Variants in PDE3A observed in about 807,000 individuals in gnomAD.
PDE3A encodes the protein cGMP-inhibited 3',5'-cyclic phosphodiesterase 3A.
Under a neutral mutation model 98.3 loss-of-function variants are expected in PDE3A, and 43 were observed. That is an observed-to-expected ratio of 0.44 (90% CI 0.34 to 0.56). PDE3A has a LOEUF of 0.56. Ranked by LOEUF, PDE3A falls within the 20% of genes least tolerant of loss-of-function variation. PDE3A has a pLI of 0.01. For missense variants in PDE3A, 1,427 were observed against 1,440.7 expected (o/e 0.99, Z 0.15); for synonymous variants, 663 against 567.9 (o/e 1.17, Z -2.38).
rs185250740 is a variant in PDE3A, at chr12:20,474,319, G to T, written c.961-82341G>T. On this transcript the variant is annotated intron_variant, in intron 1 of 15. Coordinates refer to ENST00000359062, the MANE Select transcript of PDE3A (RefSeq NM_000921.5). ...TCATAAGATTCCTTTACATATTTTCGATATGTGTCTTTTGTCGTCTAGATA... is the reference window on the plus strand; with the variant it reads ...TCATAAGATTCCTTTACATATTTTCTATATGTGTCTTTTGTCGTCTAGATA... Among the ~76,000 whole-genome samples the T allele has an allele frequency of 1.4e-4, 21 of 151,980 alleles. No homozygotes were observed. The East Asian group carries it at 3.9e-3, about 28-fold the overall frequency.
intron 1 of PDE3A, among the ~76,000 whole-genome samples, chr12:20,520,865 T>G (rs187845126): frequency 1.1e-4 from 16 of 152,286 alleles, no homozygotes; most frequent in African/African-American, 3.9e-4. Flanking sequence ...GCTTTGTACT[T>G]GGCAACCCAC....
chr12:20,678,844 G>T (rs966836423), intron 15 of PDE3A, among the ~76,000 whole-genome samples: 1 of 152,168 alleles, frequency 6.6e-6, no homozygotes, highest in Non-Finnish European at 1.5e-5. Flanking sequence ...TTTGTAGACT[G>T]GTTGTGAGGG....
At chr12:20,643,399 G>T (rs1333623333) in intron 10 of PDE3A, among the ~76,000 whole-genome samples, 6 of 152,096 alleles carry the variant, frequency 3.9e-5, no homozygotes, top group African/African-American at 1.4e-4. Flanking sequence ...CCTGGGTTGG[G>T]TTACCAGAGA....
chr12:20,452,097 T>G (rs1044016699), intron 1 of PDE3A, among the ~76,000 whole-genome samples: 2 of 152,226 alleles, frequency 1.3e-5, no homozygotes, highest in African/African-American at 4.8e-5. Context: ...CTTTCCATAT[T>G]CACAAAGGGA....
At chr12:20,543,471 G>A (rs1444526097) in intron 1 of PDE3A, among the ~76,000 whole-genome samples, 1 of 151,934 alleles carries the variant, frequency 6.6e-6, no homozygotes, top group Admixed American at 6.6e-5. Context: ...GCTTGAGGAA[G>A]ATTAAGCTAT....
chr12:20,497,461 G>T (rs1457980133), intron 1 of PDE3A, among the ~76,000 whole-genome samples: 1 of 151,200 alleles, frequency 6.6e-6, no homozygotes. Context: ...ATAAAGTCTT[G>T]GGCAGGTGTT....
chr12:20,525,478 GC>G (rs1197381835), intron 1 of PDE3A, among the ~76,000 whole-genome samples: 3 of 141,992 alleles, frequency 2.1e-5, no homozygotes, highest in African/African-American at 5.4e-5. Context: ...GGGGGGGGGG[GC>G]TTTTGACATC....
At chr12:20,607,230 G>T (rs1943731511) in intron 2 of PDE3A, among the ~76,000 whole-genome samples, 1 of 152,094 alleles carries the variant, frequency 6.6e-6, no homozygotes, top group African/African-American at 2.4e-5. Flanking sequence ...CTTGAACCCA[G>T]GAGTTCAAGA....
chr12:20,386,014 AT>A (rs1217608130), intron 1 of PDE3A, among the ~76,000 whole-genome samples: 150 of 104,232 alleles, frequency 1.4e-3, no homozygotes, highest in Middle Eastern at 4.0e-3. Context: ...ATAAATATAT[AT>A]AAAATATATA....
chr12:20,379,918 A>G (rs890934475), intron 1 of PDE3A, among the ~76,000 whole-genome samples: 1 of 151,858 alleles, frequency 6.6e-6, no homozygotes, highest in African/African-American at 2.4e-5. Context: ...TCAACTGAAA[A>G]TAACCAAAGC....
At chr12:20,480,185 T>C (rs1349161588) in intron 1 of PDE3A, among the ~76,000 whole-genome samples, 1 of 152,192 alleles carries the variant, frequency 6.6e-6, no homozygotes, top group Non-Finnish European at 1.5e-5. Context: ...TGATGTATCT[T>C]TGAGATGTGT....
chr12:20,601,605 C>T (rs1365208827), intron 2 of PDE3A, among the ~76,000 whole-genome samples: 1 of 152,070 alleles, frequency 6.6e-6, no homozygotes, highest in Non-Finnish European at 1.5e-5. Flanking sequence ...TCTAATATGT[C>T]TTATAAAAAT....
chr12:20,388,934 A>G (rs1372364341), intron 1 of PDE3A, among the ~76,000 whole-genome samples: 1 of 152,018 alleles, frequency 6.6e-6, no homozygotes, highest in Non-Finnish European at 1.5e-5. Context: ...ATGCTTTTTC[A>G]TTTGAAGAGC....
intron 1 of PDE3A, among the ~76,000 whole-genome samples, chr12:20,507,150 G>A (rs1293427963): frequency 1.3e-5 from 2 of 151,932 alleles, no homozygotes; most frequent in Admixed American, 6.6e-5. Flanking sequence ...AAGCCAGAAT[G>A]TAAGCTACAT....
intron 15 of PDE3A, among the ~76,000 whole-genome samples, chr12:20,654,781 G>T (rs561524331): frequency 6.6e-6 from 1 of 151,468 alleles, no homozygotes; most frequent in Non-Finnish European, 1.5e-5. Context: ...CAAAGTGCTG[G>T]GATTACAGGC....
intron 4 of PDE3A, among the ~76,000 whole-genome samples, chr12:20,618,369 A>G (rs1160853947): frequency 6.6e-6 from 1 of 152,062 alleles, no homozygotes; most frequent in Non-Finnish European, 1.5e-5. Flanking sequence ...ATTCCTTTCC[A>G]TATCTTTTCA....
At chr12:20,667,004 A>G (rs1945331838) in intron 15 of PDE3A, among the ~76,000 whole-genome samples, 1 of 152,110 alleles carries the variant, frequency 6.6e-6, no homozygotes, top group African/African-American at 2.4e-5. Context: ...TGTGGCTTTG[A>G]TTTGCATATT....
At chr12:20,655,446 G>A (rs143982082) in intron 15 of PDE3A, among the ~76,000 whole-genome samples, 192 of 152,168 alleles carry the variant, frequency 1.3e-3, no homozygotes, top group Admixed American at 4.5e-3. Flanking sequence ...AGAGGCAGCC[G>A]GGAACGAACT....
chr12:20,651,111 G>A (rs981134892), intron 14 of PDE3A, among the ~76,000 whole-genome samples: 1 of 152,048 alleles, frequency 6.6e-6, no homozygotes, highest in African/African-American at 2.4e-5. Flanking sequence ...CTTCACTTTT[G>A]TAAAAAAATT....
Sources: allele counts gnomAD v4.1 joint callset (sites outside exome capture counted in the v4.1 genomes callset), GRCh38; gene constraint gnomAD v4.1.1; transcripts MANE v1.5; gene names NCBI Gene and HGNC (gene_info 2026-07-23, HGNC 2026-07-21).